Variants in DIAPH3 observed in about 807,000 individuals in gnomAD.
The protein encoded by DIAPH3 is diaphanous related formin 3, also known as protein diaphanous homolog 3.
Under a neutral mutation model 144.3 loss-of-function variants are expected in DIAPH3, and 117 were observed. That is an observed-to-expected ratio of 0.81 (90% CI 0.70 to 0.95). DIAPH3 has a LOEUF of 0.95. Among genes scored for constraint, DIAPH3 ranks in the 40% least tolerant of loss-of-function variants. The pLI, the probability that DIAPH3 is intolerant of heterozygous loss-of-function variation, is 0.00. For missense variants in DIAPH3, 1,421 were observed against 1,412.7 expected (o/e 1.01, Z -0.09); for synonymous variants, 519 against 488.9 (o/e 1.06, Z -0.81).
intron 17 of DIAPH3, among the ~76,000 whole-genome samples, chr13:59,955,283 C>A (rs887983939): frequency 6.6e-6 from 1 of 151,912 alleles, no homozygotes; most frequent in African/African-American, 2.4e-5. Flanking sequence ...GGGAGGTAAT[C>A]GAATCATGGG....
At chr13:59,858,184 AAGAAG>A (rs1163807224) in intron 22 of DIAPH3, among the ~76,000 whole-genome samples, 3 of 152,164 alleles carry the variant, frequency 2.0e-5, no homozygotes, top group South Asian at 2.1e-4. Context: ...CTAGGGAGAA[AAGAAG>A]AGAAGGGTTC....
chr13:59,708,641 G>A (rs759908315), intron 27 of DIAPH3, among the ~76,000 whole-genome samples: 3 of 152,012 alleles, frequency 2.0e-5, no homozygotes, highest in Non-Finnish European at 4.4e-5. Context: ...CCAAATGTCC[G>A]TATGTTCCAG....
chr13:59,901,752 A>G (rs1348086737), intron 20 of DIAPH3, among the ~76,000 whole-genome samples: 20 of 152,214 alleles, frequency 1.3e-4, no homozygotes, highest in Admixed American at 1.2e-3. Context: ...TTATCAGACA[A>G]TGGTACAGTC....
At chr13:60,040,104 G>C (rs979323264) in intron 5 of DIAPH3, among the ~76,000 whole-genome samples, 1 of 151,436 alleles carries the variant, frequency 6.6e-6, no homozygotes, top group Non-Finnish European at 1.5e-5. Flanking sequence ...GTGCGCACCT[G>C]TAATCCCAGC....
chr13:60,128,785 T>C (rs1405393115), intron 2 of DIAPH3, among the ~76,000 whole-genome samples: 2 of 152,102 alleles, frequency 1.3e-5, no homozygotes, highest in Non-Finnish European at 2.9e-5. Flanking sequence ...ACCTTTTTTT[T>C]TTTTTTAAGG....
chr13:59,911,588 G>A (rs971799090), intron 20 of DIAPH3, 147 bp downstream of exon 20: 2 of 665,164 alleles, frequency 3.0e-6, no homozygotes, highest in Non-Finnish European at 5.4e-6. Context: ...AATTTCACAT[G>A]AATATCCTTA....
chr13:59,680,243 T>C (rs1261852208), intron 27 of DIAPH3, among the ~76,000 whole-genome samples: 3 of 152,196 alleles, frequency 2.0e-5, no homozygotes, highest in Non-Finnish European at 4.4e-5. Flanking sequence ...TTGTCATACA[T>C]ATGTATCCTA....
At chr13:60,127,830 A>T (rs950204876) in intron 2 of DIAPH3, among the ~76,000 whole-genome samples, 8 of 152,150 alleles carry the variant, frequency 5.3e-5, no homozygotes, top group African/African-American at 1.9e-4. Flanking sequence ...ATATTTCTCA[A>T]AATTCATCAG....
At position 59,992,191 on chromosome 13, in the gene DIAPH3, A is replaced by C. The variant is rs752330542; in HGVS notation, c.1126-5T>G. On this transcript the variant is annotated splice_region_variant and splice_polypyrimidine_tract_variant and intron_variant, in intron 10 of 27. Coordinates refer to ENST00000400324, the MANE Select transcript of DIAPH3 (RefSeq NM_001042517.2). ...ATTCTTAATGCATTTTAAATTCTAG[A>C]GATATGAAATAGAAATTATGATGAA... 1.3e-6 allele frequency: 2 copies of C among 1,592,942 alleles called. No homozygotes were observed. Among genetic ancestry groups the C allele is most frequent in the Non-Finnish European group, 1.7e-6 (2 of 1,162,124 alleles).
intron 27 of DIAPH3, among the ~76,000 whole-genome samples, chr13:59,693,385 T>C (rs937805213): frequency 4.6e-5 from 7 of 152,206 alleles, no homozygotes; most frequent in African/African-American, 1.7e-4. Flanking sequence ...TTATAAGCTC[T>C]TTGATATCAT....
At chr13:60,125,477 G>A (rs2058967365) in intron 2 of DIAPH3, among the ~76,000 whole-genome samples, 1 of 142,456 alleles carries the variant, frequency 7.0e-6, no homozygotes, top group African/African-American at 2.7e-5. Context: ...CTGGGCTCAT[G>A]CAGTCCTCCC....
At chr13:60,027,407 T>C (rs1054945153) in intron 5 of DIAPH3, among the ~76,000 whole-genome samples, 4 of 152,242 alleles carry the variant, frequency 2.6e-5, no homozygotes, top group Non-Finnish European at 4.4e-5. Context: ...AAAACAATCA[T>C]TTATTCCCAC....
intron 27 of DIAPH3, among the ~76,000 whole-genome samples, chr13:59,709,160 TCTGGGTGAGC>T (rs2138814035): frequency 6.6e-6 from 1 of 152,368 alleles, no homozygotes; most frequent in South Asian, 2.1e-4. Flanking sequence ...AACTTTTATT[TCTGGGTGAGC>T]CTGTAATTTT....
chr13:60,050,733 G>A (rs1477330408), intron 4 of DIAPH3, among the ~76,000 whole-genome samples: 1 of 152,118 alleles, frequency 6.6e-6, no homozygotes, highest in Non-Finnish European at 1.5e-5. Flanking sequence ...GATAAGTATT[G>A]GAGAGTTCTG....
intron 4 of DIAPH3, among the ~76,000 whole-genome samples, chr13:60,089,597 C>T (rs1175761433): frequency 1.3e-5 from 2 of 152,182 alleles, no homozygotes; most frequent in East Asian, 1.9e-4. Flanking sequence ...TTCCATTTGG[C>T]CTATCACATC....
At chr13:59,947,052 T>C (rs1279179843) in intron 17 of DIAPH3, among the ~76,000 whole-genome samples, 1 of 152,214 alleles carries the variant, frequency 6.6e-6, no homozygotes, top group Non-Finnish European at 1.5e-5. Flanking sequence ...TGAACATTCA[T>C]AGGAAAGAAT....
chr13:59,837,394 T>A (rs1465042039), intron 23 of DIAPH3, among the ~76,000 whole-genome samples: 3 of 152,026 alleles, frequency 2.0e-5, no homozygotes, highest in Admixed American at 2.0e-4. Context: ...TAAATCCAAG[T>A]ATAGATATGT....
intron 14 of DIAPH3, among the ~76,000 whole-genome samples, chr13:59,979,902 G>T (rs990152986): frequency 2.0e-5 from 3 of 151,586 alleles, no homozygotes; most frequent in Non-Finnish European, 4.4e-5. Context: ...AAATCAGATT[G>T]ACTATTTAAA....
intron 4 of DIAPH3, among the ~76,000 whole-genome samples, chr13:60,055,144 C>CA: frequency 6.6e-6 from 1 of 151,314 alleles, no homozygotes. Flanking sequence ...ATATTTTACC[C>CA]AAAAAAAAGA....
Sources: allele counts gnomAD v4.1 joint callset (sites outside exome capture counted in the v4.1 genomes callset), GRCh38; gene constraint gnomAD v4.1.1; transcripts MANE v1.5; gene names NCBI Gene and HGNC (gene_info 2026-07-23, HGNC 2026-07-21).